Variants in SORL1 observed in about 807,000 individuals in gnomAD.
SORL1 encodes the protein sortilin related receptor 1.
A neutral mutation model predicts 273.7 loss-of-function variants in SORL1; 127 were observed. The observed-to-expected ratio is 0.46, with a 90% CI of 0.40 to 0.54. The LOEUF is 0.54. Among genes scored for constraint, SORL1 ranks in the 20% least tolerant of loss-of-function variants. SORL1 has a pLI of 0.00. For synonymous variants in SORL1, 1,031 were observed against 1,067.4 expected (o/e 0.97, Z 0.66); for missense variants, 2,494 against 2,846.1 (o/e 0.88, Z 2.81).
chr11:121,486,089 T>A (rs1861467145), intron 3 of SORL1, among the ~76,000 whole-genome samples: 1 of 152,158 alleles, frequency 6.6e-6, no homozygotes, highest in Admixed American at 6.5e-5. Flanking sequence ...AGCTGGAGAT[T>A]GATCTGGGTC....
rs544133807 is a variant in SORL1 at position 121,542,307 on chromosome 11, C to T, written c.1686-1241C>T. ...TTATGGCCACTTTTCCCCTTCAATCCGGGATTTAGCCAGTCCTGAACTAAA... is the reference window on the plus strand; with the variant it reads ...TTATGGCCACTTTTCCCCTTCAATCTGGGATTTAGCCAGTCCTGAACTAAA... On this transcript the variant is annotated intron_variant, in intron 12 of 47. Coordinates refer to ENST00000260197, the MANE Select transcript of SORL1 (RefSeq NM_003105.6). Among the ~76,000 whole-genome samples the T allele has an allele frequency of 8.2e-4, 125 of 152,282 alleles. 1 individual carries two copies. Among genetic ancestry groups the T allele is most frequent in the African/African-American group, 2.9e-3 (119 of 41,558 alleles).
At chr11:121,518,364 G>A (rs1238457590) in intron 8 of SORL1, among the ~76,000 whole-genome samples, 1 of 152,192 alleles carries the variant, frequency 6.6e-6, no homozygotes, top group Admixed American at 6.5e-5. Flanking sequence ...GGCAGGTCAA[G>A]TGGGGGAAAG....
At chr11:121,584,450 G>T (rs549592833) in intron 26 of SORL1, among the ~76,000 whole-genome samples, 4 of 152,270 alleles carry the variant, frequency 2.6e-5, no homozygotes, top group African/African-American at 9.6e-5. Context: ...GTTTCTGTTT[G>T]ATATCCTTTG....
chr11:121,524,107 A>G (rs1017433740), intron 11 of SORL1, among the ~76,000 whole-genome samples: 1 of 152,210 alleles, frequency 6.6e-6, no homozygotes, highest in Non-Finnish European at 1.5e-5. Flanking sequence ...TGTTAAGGCC[A>G]TTGTAGTCAG....
intron 9 of SORL1, 120 bp from the exon 10 acceptor site, chr11:121,522,466 C>T (rs80208821): frequency 4.0e-6 from 3 of 750,332 alleles, no homozygotes; most frequent in Admixed American, 1.9e-5. Context: ...TCTGGTTTCC[C>T]CTGGGCCAGG....
At position 121,479,222 on chromosome 11, in the gene SORL1, C is replaced by T. The variant is rs1187888253; in HGVS notation, c.528+979C>T. 5.9e-5 allele frequency among the ~76,000 whole-genome samples: 9 copies of T among 152,178 alleles called. 1 individual carries two copies. The East Asian group carries it at 1.4e-3, about 23-fold the overall frequency. ...CCCTGGGCCCCCAGGGAGGTGGAGG[C>T]GGGAGGGCAGGAACCGGGCAGCCGG... is the stretch of plus-strand genomic sequence containing the variant. On this transcript the variant is annotated intron_variant, in intron 3 of 47. Coordinates refer to ENST00000260197, the MANE Select transcript of SORL1 (RefSeq NM_003105.6).
chr11:121,480,820 C>T (rs1861365266), intron 3 of SORL1, among the ~76,000 whole-genome samples: 1 of 149,376 alleles, frequency 6.7e-6, no homozygotes, highest in East Asian at 2.0e-4. Context: ...ATCTCCTCCT[C>T]CCCAGCTCCT....
intron 1 of SORL1, among the ~76,000 whole-genome samples, chr11:121,468,019 G>A (rs1231240789): frequency 6.6e-6 from 1 of 152,198 alleles, no homozygotes; most frequent in African/African-American, 2.4e-5. Context: ...TAGCTGCTTT[G>A]TCCTTCTGCC....
intron 24 of SORL1, chr11:121,576,705 A>G (rs905796946): frequency 7.1e-7 from 1 of 1,412,344 alleles, no homozygotes; most frequent in Non-Finnish European, 9.2e-7. Flanking sequence ...GGTTCTTACC[A>G]GGCCCCCACC....
At chr11:121,547,509 G>A (rs1468309015) in intron 14 of SORL1, among the ~76,000 whole-genome samples, 1 of 147,952 alleles carries the variant, frequency 6.8e-6, no homozygotes, top group African/African-American at 2.5e-5. Context: ...CCTGGGACCT[G>A]CTGGTCTACC....
In SORL1 at chr11:121,468,176, A is replaced by T. The variant is rs563742116; in HGVS notation, c.286-1831A>T. On this transcript the variant is annotated intron_variant, in intron 1 of 47. Coordinates refer to ENST00000260197, the MANE Select transcript of SORL1 (RefSeq NM_003105.6). ...GTGGGTTTTCTGCCGCAGAGCCTTG[A>T]TGAGAAGACAGCTCGGAGGGCAGGT... Among the ~76,000 whole-genome samples the T allele has an allele frequency of 5.9e-5, 9 of 152,250 alleles. No individual in the cohort carries two copies. The East Asian group carries it at 1.7e-3, about 29-fold the overall frequency.
rs1565334814 is a variant in SORL1, at chr11:121,555,271, C to T, written c.2524C>T (p.Leu842Phe). Residue 842 changes from leucine to phenylalanine, a missense_variant, in exon 18 of 48, where the codon CTC becomes TTC. Physicochemically the swap from Leu to Phe is conservative, Grantham distance 22. Around this residue, in one of 3 missense-constraint regions of SORL1, gnomAD observed 1,609 missense variants for 1,816.4 expected, o/e 0.89. Coordinates refer to ENST00000260197, the MANE Select transcript of SORL1 (RefSeq NM_003105.6). ...AGTAGAAGCTTTGGCTTTTGAACCC[C>T]TCAGCCAGCTGCTTTACTGGGTAGA... ...ETVEALAFEP[L>F]SQLLYWVDAG... 1.5e-5 allele frequency: 24 copies of T among 1,613,960 alleles called. No individual in the cohort carries two copies. The highest frequency in any genetic ancestry group is 1.9e-5 in the Non-Finnish European group (23 of 1,179,942).
chr11:121,581,604 A>G (rs1391763109), intron 25 of SORL1, among the ~76,000 whole-genome samples: 1 of 152,222 alleles, frequency 6.6e-6, no homozygotes, highest in East Asian at 1.9e-4. Context: ...ATCAGAGCTC[A>G]TAAGTTACTA....
At chr11:121,587,541 C>A (rs1204783739) in intron 27 of SORL1, among the ~76,000 whole-genome samples, 1 of 152,234 alleles carries the variant, frequency 6.6e-6, no homozygotes, top group African/African-American at 2.4e-5. Flanking sequence ...AAGGCCCTAT[C>A]TCCAAATACA....
In SORL1 at chr11:121,551,000, A is replaced by G. The variant is rs1205281554; in HGVS notation, c.2266+330A>G. ...TGTGTGTTCCTTAATCTGTTTGTCA[A>G]AGTTGAGTATAAAGAGGTGTGTGAC... On this transcript the variant is annotated intron_variant, in intron 16 of 47. Coordinates refer to ENST00000260197, the MANE Select transcript of SORL1 (RefSeq NM_003105.6). This position sits in a 1 kb window ranked among gnomAD's most constrained non-coding sequence, Gnocchi z 5.3. Among the ~76,000 whole-genome samples, 1 of 152,234 alleles carries G rather than the reference A, an allele frequency of 6.6e-6. No homozygotes were observed. Among genetic ancestry groups the G allele is most frequent in the Non-Finnish European group, 1.5e-5 (1 of 68,036 alleles).
At chr11:121,629,442 G>T in intron 47 of SORL1, 54 bp from the exon 48 acceptor site, 1 of 887,370 alleles carries the variant, frequency 1.1e-6, no homozygotes, top group Non-Finnish European at 1.9e-6. Flanking sequence ...GTGGGATATG[G>T]GGTCAGGTGA....
rs1863541483 is a variant in SORL1, at chr11:121,610,200, T to G, written c.5240-876T>G. On this transcript the variant is annotated intron_variant, in intron 38 of 47. Coordinates refer to ENST00000260197, the MANE Select transcript of SORL1 (RefSeq NM_003105.6). ...TGTGTGGAGAGTCTAATATGCAAGT[T>G]GTTGTTTAAATAATATTTTCTGATA... 3 of 152,212 alleles carry G rather than the reference T, an allele frequency of 2.0e-5. No individual in the cohort carries two copies. The South Asian group carries it at 6.2e-4, about 32-fold the overall frequency. The allele number at this position is 152,212 out of a possible 1,614,324, so 9.4% of individuals were successfully genotyped here. A position where few individuals can be genotyped will look rare whatever the true frequency, so the allele number is the denominator to read the frequency against.
At chr11:121,539,230 C>T (rs1013339803) in intron 12 of SORL1, among the ~76,000 whole-genome samples, 3 of 152,162 alleles carry the variant, frequency 2.0e-5, no homozygotes, top group African/African-American at 7.2e-5. Context: ...TGTCATTGTC[C>T]TGTTTTTCAA....
At chr11:121,583,620 C>T in intron 26 of SORL1, 37 bp downstream of exon 26, 2 of 1,576,326 alleles carry the variant, frequency 1.3e-6, no homozygotes, top group Non-Finnish European at 1.7e-6. Flanking sequence ...CCTGAGCCTC[C>T]CCAGTGTCTG....
Sources: gnomAD v4.1 joint callset for allele counts (sites outside exome capture counted in the v4.1 genomes callset) on GRCh38, gnomAD v4.1.1 for gene constraint, gnomAD v4.1.1 regional missense constraint, Gnocchi (gnomAD v3.1) non-coding constraint, MANE v1.5 for transcripts, NCBI Gene and HGNC (gene_info 2026-07-23, HGNC 2026-07-21) for gene names.